Variants in CNTNAP2 observed in about 807,000 individuals in gnomAD.
The protein encoded by CNTNAP2 is contactin associated protein 2, also known as contactin-associated protein-like 2.
Under a neutral mutation model 155.2 loss-of-function variants are expected in CNTNAP2, and 98 were observed. The observed-to-expected ratio is 0.63, with a 90% CI of 0.54 to 0.75. CNTNAP2 has a LOEUF of 0.75. Ranked by LOEUF, CNTNAP2 falls within the 30% of genes least tolerant of loss-of-function variation. CNTNAP2 has a pLI of 0.00. For synonymous variants in CNTNAP2, 651 were observed against 631.2 expected, an observed-to-expected ratio of 1.03 and a Z score of -0.47; for missense variants, 1,727 against 1,688.1, an observed-to-expected ratio of 1.02 and a Z score of -0.40.
intron 13 of CNTNAP2, among the ~76,000 whole-genome samples, chr7:147,893,787 T>C (rs1256254531): frequency 2.0e-5 from 3 of 152,206 alleles, no homozygotes; most frequent in African/African-American, 2.4e-5. Context: ...TCAGCTACCA[T>C]GGCCCAGATC....
intron 1 of CNTNAP2, among the ~76,000 whole-genome samples, chr7:146,122,532 C>T (rs1187802645): frequency 6.6e-6 from 1 of 152,212 alleles, no homozygotes; most frequent in African/African-American, 2.4e-5. Context: ...TGATATTAAA[C>T]TAAATGAACA....
At chr7:146,990,740 G>A (rs1798194173) in intron 3 of CNTNAP2, among the ~76,000 whole-genome samples, 1 of 152,012 alleles carries the variant, frequency 6.6e-6, no homozygotes, top group Non-Finnish European at 1.5e-5. Flanking sequence ...ATTGACACAT[G>A]TTTTGTGGTC....
At chr7:146,956,123 T>C (rs980389285) in intron 3 of CNTNAP2, among the ~76,000 whole-genome samples, 1 of 152,116 alleles carries the variant, frequency 6.6e-6, no homozygotes, top group Admixed American at 6.5e-5. Flanking sequence ...TAATACAAGT[T>C]GGTTTAGAAC....
intron 1 of CNTNAP2, among the ~76,000 whole-genome samples, chr7:146,543,036 G>C (rs1392765653): frequency 2.6e-5 from 4 of 151,816 alleles, no homozygotes; most frequent in Non-Finnish European, 5.9e-5. Context: ...TAGTATTCTT[G>C]AAAATGGTTG....
intron 8 of CNTNAP2, among the ~76,000 whole-genome samples, chr7:147,149,117 C>T (rs1018369896): frequency 6.6e-6 from 1 of 152,162 alleles, no homozygotes; most frequent in Non-Finnish European, 1.5e-5. Flanking sequence ...GCTGATTAGT[C>T]CATTTTACAG....
At chr7:146,246,078 G>C (rs191916189) in intron 1 of CNTNAP2, among the ~76,000 whole-genome samples, 1 of 151,942 alleles carries the variant, frequency 6.6e-6, no homozygotes, top group Non-Finnish European at 1.5e-5. Flanking sequence ...TGCTGTAGCA[G>C]GCAAGTGATA....
At chr7:147,678,646 T>C (rs113187723) in intron 13 of CNTNAP2, among the ~76,000 whole-genome samples, 1,636 of 151,978 alleles carry the variant, frequency 0.011, 24 homozygotes, top group African/African-American at 0.037. Context: ...CTCCCTTAGT[T>C]CTCATATACA....
intron 1 of CNTNAP2, among the ~76,000 whole-genome samples, chr7:146,351,372 C>T (rs1794912565): frequency 6.6e-6 from 1 of 151,726 alleles, no homozygotes; most frequent in South Asian, 2.1e-4. Context: ...AAGTGTACAT[C>T]AGTCTAAGAA....
In CNTNAP2 at chr7:147,619,766, G is replaced by T. The variant is rs890584893; in HGVS notation, c.1898-19340G>T. On this transcript the variant is annotated intron_variant, in intron 12 of 23. Coordinates refer to ENST00000361727, the MANE Select transcript of CNTNAP2 (RefSeq NM_014141.6). The stretch of plus-strand genomic sequence containing the variant: ...ACCTCGGGTGACTCGCCACCCTGAA[G>T]GGAAGGACATAGGCCTGGCTGGCTG... 3.3e-5 allele frequency among the ~76,000 whole-genome samples: 5 copies of T among 152,306 alleles called. No individual in the cohort carries two copies. In the East Asian group the frequency reaches 7.7e-4, roughly 24 times the overall value.
intron 1 of CNTNAP2, among the ~76,000 whole-genome samples, chr7:146,635,846 T>C (rs1056555610): frequency 2.6e-5 from 4 of 151,610 alleles, no homozygotes; most frequent in East Asian, 1.9e-4. Flanking sequence ...GAGTATCAGT[T>C]TGAAGGGGTT....
chr7:146,156,208 T>C (rs1016828402), intron 1 of CNTNAP2, among the ~76,000 whole-genome samples: 1 of 152,302 alleles, frequency 6.6e-6, no homozygotes, highest in South Asian at 2.1e-4. Flanking sequence ...CAAATGTGAG[T>C]TTGTTACTAT....
chr7:147,243,730 T>C (rs550603867), intron 8 of CNTNAP2, among the ~76,000 whole-genome samples: 25 of 152,328 alleles, frequency 1.6e-4, no homozygotes, highest in Admixed American at 5.2e-4. Flanking sequence ...GTGTCACCAA[T>C]TTTGATACAT....
chr7:147,300,426 T>C, intron 9 of CNTNAP2, 136 bp downstream of exon 9: 4 of 974,088 alleles, frequency 4.1e-6, no homozygotes, highest in East Asian at 5.2e-5. Flanking sequence ...GTAATTCCAC[T>C]GAGCAAAACA....
chr7:148,081,814 A>G (rs1458966271), intron 15 of CNTNAP2, among the ~76,000 whole-genome samples: 1 of 152,038 alleles, frequency 6.6e-6, no homozygotes, highest in Non-Finnish European at 1.5e-5. Context: ...ATGATAAATG[A>G]CAGTGATTTG....
At chr7:147,995,667 C>G (rs1464938279) in intron 15 of CNTNAP2, among the ~76,000 whole-genome samples, 2 of 152,038 alleles carry the variant, frequency 1.3e-5, no homozygotes, top group African/African-American at 4.8e-5. Context: ...GCGCCCGCCA[C>G]CATGCCCAGC....
intron 21 of CNTNAP2, among the ~76,000 whole-genome samples, chr7:148,291,913 G>A (rs1003004260): frequency 2.0e-5 from 3 of 152,156 alleles, no homozygotes; most frequent in Non-Finnish European, 2.9e-5. Flanking sequence ...CCAAAATCCA[G>A]CCTTTGACAT....
chr7:146,483,322 T>TATATATAC (rs1563101795), intron 1 of CNTNAP2, among the ~76,000 whole-genome samples: 25 of 85,188 alleles, frequency 2.9e-4, no homozygotes, highest in African/African-American at 3.9e-4. Context: ...TATATATATA[T>TATATATAC]ATATATACAT....
rs186798422 is a variant in CNTNAP2, at chr7:148,381,057, C to T, written c.3476-2592C>T. Among the ~76,000 whole-genome samples the T allele has an allele frequency of 6.2e-4, 95 of 152,346 alleles. 1 individual carries two copies. Among genetic ancestry groups the T allele is most frequent in the Non-Finnish European group, 9.0e-4 (61 of 68,034 alleles). On this transcript the variant is annotated intron_variant, in intron 21 of 23. Transcript: ENST00000361727. ...TCCACCCCTTGCAGGGGTAAGCACG[C>T]GGGTGAGTGGGTGCAGGAGCCAGGG...
At chr7:148,155,792 G>A (rs370112355) in intron 17 of CNTNAP2, among the ~76,000 whole-genome samples, 6 of 152,332 alleles carry the variant, frequency 3.9e-5, no homozygotes, top group African/African-American at 1.4e-4. Flanking sequence ...CCTATGTAAA[G>A]TTTAGTCAAG....
Sources: gnomAD v4.1 joint callset for allele counts (sites outside exome capture counted in the v4.1 genomes callset) on GRCh38, gnomAD v4.1.1 for gene constraint, MANE v1.5 for transcripts, NCBI Gene and HGNC (gene_info 2026-07-23, HGNC 2026-07-21) for gene names.